The following NEBL variants were observed in gnomAD, a reference collection of about 807,000 sequenced individuals.
NEBL encodes LIM and SH3 protein 2.
In NEBL, 122 loss-of-function variants were observed where a neutral mutation model predicts 140.2. The ratio of observed to expected loss-of-function variants is 0.87; its 90% CI spans 0.75 to 1.01. The LOEUF (loss-of-function observed/expected upper bound fraction) is 1.01, where lower values mean the gene tolerates loss of function less well. Ranked by LOEUF, NEBL falls within the 50% of genes least tolerant of loss-of-function variation. The pLI, the probability that NEBL is intolerant of heterozygous loss-of-function variation, is 0.00. For synonymous variants in NEBL, 436 were observed against 398.9 expected, an observed-to-expected ratio of 1.09 and a Z score of -1.11; for missense variants, 1,365 against 1,231.3, an observed-to-expected ratio of 1.11 and a Z score of -1.62.
intron 4 of NEBL, among the ~76,000 whole-genome samples, chr10:20,939,298 G>T (rs1489935424): frequency 1.3e-5 from 2 of 152,172 alleles, no homozygotes; most frequent in Non-Finnish European, 2.9e-5. Flanking sequence ...TTAAAGAAAA[G>T]AATTTTCAAC....
chr10:21,056,803 TA>T (rs1487994064), intron 2 of NEBL, among the ~76,000 whole-genome samples: 1 of 152,126 alleles, frequency 6.6e-6, no homozygotes, highest in African/African-American at 2.4e-5. Flanking sequence ...AGATTAACTA[TA>T]AAAGAAAGCA....
chr10:20,934,207 A>G (rs1452862173), intron 4 of NEBL, among the ~76,000 whole-genome samples: 2 of 152,200 alleles, frequency 1.3e-5, no homozygotes, highest in Non-Finnish European at 2.9e-5. Context: ...ATGGGTTCTG[A>G]GCCCCAAGTA....
chr10:21,157,912 T>C (rs1281194396), intron 2 of NEBL, among the ~76,000 whole-genome samples: 2 of 152,184 alleles, frequency 1.3e-5, no homozygotes. Context: ...GGGAAGTTGA[T>C]GTGAAGACAC....
At chr10:21,090,863 C>T (rs1445335827) in intron 2 of NEBL, among the ~76,000 whole-genome samples, 3 of 152,168 alleles carry the variant, frequency 2.0e-5, no homozygotes, top group Admixed American at 6.5e-5. Flanking sequence ...TTTAGAAACA[C>T]ATCTCCAACC....
intron 2 of NEBL, among the ~76,000 whole-genome samples, chr10:21,108,679 C>A (rs547900543): frequency 1.3e-5 from 2 of 152,054 alleles, no homozygotes; most frequent in East Asian, 3.9e-4. Flanking sequence ...CTATTAGGTC[C>A]GCTTGGTCCA....
chr10:21,004,495 C>A (rs1838037792), intron 3 of NEBL, among the ~76,000 whole-genome samples: 1 of 152,044 alleles, frequency 6.6e-6, no homozygotes, highest in Non-Finnish European at 1.5e-5. Flanking sequence ...CCGAGGCGGG[C>A]AGATCACGAG....
chr10:21,007,589 C>T (rs2131731243), intron 3 of NEBL, among the ~76,000 whole-genome samples: 1 of 152,234 alleles, frequency 6.6e-6, no homozygotes, highest in Admixed American at 6.5e-5. Flanking sequence ...CAATATCATC[C>T]AGGCGATTGC....
At chr10:20,915,382 T>C (rs1165886049) in intron 4 of NEBL, among the ~76,000 whole-genome samples, 2 of 150,094 alleles carry the variant, frequency 1.3e-5, no homozygotes, top group Non-Finnish European at 1.5e-5. Context: ...ATTAGGTATA[T>C]CTCCCAATGC....
chr10:21,268,831 A>T (rs1564552834), intron 1 of NEBL, among the ~76,000 whole-genome samples: 1 of 152,110 alleles, frequency 6.6e-6, no homozygotes, highest in Non-Finnish European at 1.5e-5. Context: ...GGCCAAAAAA[A>T]TTTAAAAAAA....
chr10:20,959,033 T>G lies in NEBL; in HGVS notation c.357+2639A>C, dbSNP rs1325619015. Among the ~76,000 whole-genome samples the G allele has an allele frequency of 3.9e-5, 6 of 152,190 alleles. No individual in the cohort carries two copies. In the East Asian group the frequency reaches 1.2e-3, roughly 29 times the overall value. ...AAAATTCCCATTCATCCGTAACATA[T>G]TACCCAAAACACTTAGGAGTTGTCA... On this transcript the variant is annotated intron_variant, in intron 4 of 6. Transcript: ENST00000417816.
chr10:20,808,658 T>G lies in NEBL; in HGVS notation c.2613A>C (p.Glu871Asp). The G allele has an allele frequency of 6.2e-7, 1 of 1,612,212 alleles. No homozygotes were observed. The highest frequency in any genetic ancestry group is 8.5e-7 in the Non-Finnish European group (1 of 1,178,386). The change falls in exon 26 of 28, where the codon GAA (glutamate) becomes GAC (aspartate). Residue 871 changes from glutamate to aspartate, a missense_variant and splice_region_variant. Transcript: ENST00000377122. ...IQSRSLHMLS[E>D]KASHYRRHWS... The stretch of plus-strand genomic sequence containing the variant: ...AGTGTCGCCTATAGTGACTCGCCTT[T>G]TCTATATTGGAGGGAAAATATTTAC...
intron 2 of NEBL, among the ~76,000 whole-genome samples, chr10:21,158,090 G>A (rs753911262): frequency 3.3e-5 from 5 of 152,130 alleles, no homozygotes; most frequent in African/African-American, 4.8e-5. Context: ...AAGACACCCC[G>A]TTTATGGTAC....
intron 4 of NEBL, among the ~76,000 whole-genome samples, chr10:20,926,560 T>C (rs1048333213): frequency 6.6e-6 from 1 of 152,238 alleles, no homozygotes; most frequent in African/African-American, 2.4e-5. Flanking sequence ...CAAGGATTTC[T>C]ATCACATTCT....
At chr10:20,967,166 T>C (rs1237157906) in intron 3 of NEBL, among the ~76,000 whole-genome samples, 2 of 150,424 alleles carry the variant, frequency 1.3e-5, no homozygotes, top group Admixed American at 1.3e-4. Flanking sequence ...CTTAATAACG[T>C]TGTTTCTATT....
At position 20,859,664 on chromosome 10, in the gene NEBL, AC is replaced by A. The variant is rs781449373; in HGVS notation, c.798+48del. The A allele has an allele frequency of 7.1e-6, 9 of 1,273,328 alleles. No homozygotes were observed. In the African/African-American group the frequency reaches 1.2e-4, roughly 17 times the overall value. The allele number at this position is 1,273,328 out of a possible 1,614,324, so 78.9% of individuals were successfully genotyped here. A position where few individuals can be genotyped will look rare whatever the true frequency, so the allele number is the denominator to read the frequency against. ...TACAACACAGTCGATTCTAAAAAAA[AC>A]AAGAATCAAAAGATTTTGAAAATAA... is the stretch of plus-strand genomic sequence containing the variant. On this transcript the variant is annotated intron_variant, in intron 8 of 27. Coordinates refer to ENST00000377122, the MANE Select transcript of NEBL (RefSeq NM_006393.3).
intron 2 of NEBL, among the ~76,000 whole-genome samples, chr10:21,145,243 T>C (rs2132111161): frequency 6.6e-6 from 1 of 152,272 alleles, no homozygotes; most frequent in South Asian, 2.1e-4. Flanking sequence ...AAATATGAAA[T>C]ATATAAGCCT....
chr10:21,094,998 T>C (rs1837116537), intron 2 of NEBL, among the ~76,000 whole-genome samples: 1 of 152,198 alleles, frequency 6.6e-6, no homozygotes, highest in Admixed American at 6.5e-5. Context: ...CCTATATCCA[T>C]AGTAGTGTAT....
At chr10:21,242,152 A>G (rs1304814174) in intron 3 of NEBL, among the ~76,000 whole-genome samples, 1 of 152,218 alleles carries the variant, frequency 6.6e-6, no homozygotes, top group Non-Finnish European at 1.5e-5. Flanking sequence ...GAGTGAGCCA[A>G]GATCACGCCA....
chr10:21,065,709 A>G (rs1589195411), intron 2 of NEBL, among the ~76,000 whole-genome samples: 2 of 152,066 alleles, frequency 1.3e-5, no homozygotes, highest in Admixed American at 1.3e-4. Context: ...GGCAGCTGCC[A>G]CTCTATATTA....
Sources: allele counts gnomAD v4.1 joint callset (sites outside exome capture counted in the v4.1 genomes callset), GRCh38; gene constraint gnomAD v4.1.1; transcripts MANE v1.5; gene names NCBI Gene and HGNC (gene_info 2026-07-23, HGNC 2026-07-21).